Variants in NUMB observed in about 807,000 individuals in gnomAD.
NUMB encodes NUMB endocytic adaptor protein.
A neutral mutation model predicts 59.7 loss-of-function variants in NUMB; 29 were observed. The ratio of observed to expected loss-of-function variants is 0.49; its 90% CI spans 0.36 to 0.66. The LOEUF is 0.66. Among genes scored for constraint, NUMB ranks in the 30% least tolerant of loss-of-function variants. NUMB has a pLI of 0.00. For missense variants in NUMB, 723 were observed against 822.0 expected (o/e 0.88, Z 1.47); for synonymous variants, 288 against 288.2 (o/e 1.00, Z 0.01).
intron 3 of NUMB, chr14:73,356,980 G>A: frequency 1.2e-6 from 1 of 862,522 alleles, no homozygotes; most frequent in Non-Finnish European, 1.4e-6. Flanking sequence ...TTACAGGCGT[G>A]AGCCACCATA....
intron 3 of NUMB, among the ~76,000 whole-genome samples, chr14:73,358,089 G>C (rs1173169901): frequency 6.6e-6 from 1 of 151,966 alleles, no homozygotes; most frequent in Admixed American, 6.6e-5. Context: ...AGTAGCTCTT[G>C]AATTCATCCC....
intron 2 of NUMB, among the ~76,000 whole-genome samples, chr14:73,405,271 G>A (rs1020327073): frequency 1.3e-5 from 2 of 151,912 alleles, no homozygotes; most frequent in Admixed American, 1.3e-4. Flanking sequence ...TTTTCCTCTA[G>A]TATCCTCCAG....
intron 2 of NUMB, among the ~76,000 whole-genome samples, chr14:73,398,405 AGAGAGAGAGAGTGTGTGTGT>A (rs916758038): frequency 6.1e-5 from 7 of 113,830 alleles, no homozygotes; most frequent in African/African-American, 2.4e-4. Flanking sequence ...AGAGAGAGAG[AGAGAGAGAGAGTGTGTGTGT>A]GTGTGTGTGT....
intron 2 of NUMB, among the ~76,000 whole-genome samples, chr14:73,391,478 A>C (rs1895851225): frequency 1.3e-5 from 2 of 152,282 alleles, no homozygotes; most frequent in South Asian, 4.1e-4. Context: ...TTAAATAATT[A>C]TTTTTATTAT....
chr14:73,412,814 T>C (rs1566786254), intron 1 of NUMB, among the ~76,000 whole-genome samples: 1 of 151,826 alleles, frequency 6.6e-6, no homozygotes, highest in Non-Finnish European at 1.5e-5. Flanking sequence ...TATTTTTTTA[T>C]AAGCAGGGTC....
intron 3 of NUMB, among the ~76,000 whole-genome samples, chr14:73,360,728 T>C (rs568999255): frequency 6.6e-6 from 1 of 152,160 alleles, no homozygotes; most frequent in Non-Finnish European, 1.5e-5. Context: ...CAACAGTACA[T>C]TGGTCTCCCA....
At chr14:73,456,873 G>A (rs1050717336) in intron 1 of NUMB, among the ~76,000 whole-genome samples, 9 of 152,172 alleles carry the variant, frequency 5.9e-5, no homozygotes, top group African/African-American at 9.7e-5. Flanking sequence ...GTGGGGCCAA[G>A]CAATCTACAT....
chr14:73,397,510 A>G (rs902695030), intron 2 of NUMB, among the ~76,000 whole-genome samples: 1 of 152,194 alleles, frequency 6.6e-6, no homozygotes, highest in Admixed American at 6.5e-5. Context: ...TAACTTCTTA[A>G]TTATTGGCTC....
In NUMB at chr14:73,419,383, G is replaced by A. The variant is rs538564437; in HGVS notation, c.-232-9315C>T. 5.3e-5 allele frequency among the ~76,000 whole-genome samples: 8 copies of A among 152,248 alleles called. No individual in the cohort carries two copies. In the South Asian group the frequency reaches 6.2e-4, roughly 12 times the overall value. On this transcript the variant is annotated intron_variant, in intron 1 of 12. Transcript: ENST00000555238. ...AAACTAGCTGGGTGTGGTGGCGGGC[G>A]CCTGTAGTCCCAGCTACTAGGAGGC...
At chr14:73,305,447 GCCAT>G (rs1890376951) in intron 6 of NUMB, among the ~76,000 whole-genome samples, 1 of 151,458 alleles carries the variant, frequency 6.6e-6, no homozygotes, top group South Asian at 2.1e-4. Context: ...ATTTTAAGGT[GCCAT>G]CCAACTCTAA....
In NUMB at chr14:73,386,864, C is replaced by CTTTTTT. The variant is rs1566773800; in HGVS notation, c.-100-19884_-100-19883insAAAAAA. ...TAATACAAGACAATCTATCAGGTGT[C>CTTTTTT]TTATTTTTTTTTTTTTTTTTTTTTT... On this transcript the variant is annotated intron_variant, in intron 2 of 12. Coordinates refer to ENST00000555238, the MANE Select transcript of NUMB (RefSeq NM_001005743.2). Among the ~76,000 whole-genome samples the CTTTTTT allele has an allele frequency of 6.0e-4, 44 of 73,786 alleles. 1 individual carries two copies. Among genetic ancestry groups the CTTTTTT allele is most frequent in the Admixed American group, 1.7e-3 (9 of 5,278 alleles). 48.4% of individuals were successfully genotyped at this position (73,786 alleles called of 152,430 possible).
intron 2 of NUMB, among the ~76,000 whole-genome samples, chr14:73,389,845 T>C (rs1895756057): frequency 6.6e-6 from 1 of 152,216 alleles, no homozygotes; most frequent in Non-Finnish European, 1.5e-5. Flanking sequence ...CTACCTTAAA[T>C]GATACTATCA....
At chr14:73,363,995 C>T (rs893397280) in intron 3 of NUMB, among the ~76,000 whole-genome samples, 3 of 151,986 alleles carry the variant, frequency 2.0e-5, no homozygotes, top group Non-Finnish European at 4.4e-5. Context: ...ATATTTTTTT[C>T]TAAAAAGTCC....
chr14:73,292,188 C>T (rs539199231), intron 8 of NUMB, among the ~76,000 whole-genome samples: 1 of 152,234 alleles, frequency 6.6e-6, no homozygotes, highest in East Asian at 1.9e-4. Flanking sequence ...GCTAGGACTA[C>T]ATGCATGTGC....
intron 2 of NUMB, among the ~76,000 whole-genome samples, chr14:73,369,346 A>T (rs1455894866): frequency 6.6e-6 from 1 of 152,130 alleles, no homozygotes; most frequent in Non-Finnish European, 1.5e-5. Context: ...TGGCCCTAGA[A>T]CATTTTCAAA....
At chr14:73,434,240 T>C (rs1451124738) in intron 1 of NUMB, among the ~76,000 whole-genome samples, 1 of 152,194 alleles carries the variant, frequency 6.6e-6, no homozygotes, top group Non-Finnish European at 1.5e-5. Flanking sequence ...CTATCTAGGT[T>C]TGAATCCCAG....
At chr14:73,445,292 C>CTGCA (rs1429601078) in intron 1 of NUMB, among the ~76,000 whole-genome samples, 1 of 131,196 alleles carries the variant, frequency 7.6e-6, no homozygotes, top group Admixed American at 9.8e-5. Flanking sequence ...GAGTTTAAGG[C>CTGCA]TGCAGTTAGC....
At chr14:73,324,276 T>A (rs1594905571) in intron 4 of NUMB, among the ~76,000 whole-genome samples, 1 of 152,184 alleles carries the variant, frequency 6.6e-6, no homozygotes, top group East Asian at 1.9e-4. Flanking sequence ...CCCCTCATAG[T>A]CCCATAGGTT....
intron 1 of NUMB, among the ~76,000 whole-genome samples, chr14:73,436,894 G>A (rs181317700): frequency 1.6e-4 from 24 of 151,460 alleles, no homozygotes; most frequent in African/African-American, 5.3e-4. Flanking sequence ...CAGGAGAATC[G>A]CTTGAACCCA....
Sources: allele counts gnomAD v4.1 joint callset (sites outside exome capture counted in the v4.1 genomes callset), GRCh38; gene constraint gnomAD v4.1.1; transcripts MANE v1.5; gene names NCBI Gene and HGNC (gene_info 2026-07-23, HGNC 2026-07-21).